The following PAK5 variants were observed in gnomAD, a reference collection of about 807,000 sequenced individuals.
PAK5 encodes p21 (RAC1) activated kinase 5, also known as serine/threonine-protein kinase PAK 5.
Under a neutral mutation model 65.9 loss-of-function variants are expected in PAK5, and 16 were observed. The observed-to-expected ratio is 0.24, with a 90% CI of 0.16 to 0.37. The LOEUF is 0.37. PAK5 is among the 10% of genes least tolerant of loss of function. The pLI is 1.00. For synonymous variants in PAK5, 371 were observed against 354.9 expected (o/e 1.05, Z -0.51); for missense variants, 785 against 903.9 (o/e 0.87, Z 1.69).
chr20:9,696,276 T>C (rs566275782), intron 2 of PAK5, among the ~76,000 whole-genome samples: 1 of 152,216 alleles, frequency 6.6e-6, no homozygotes, highest in African/African-American at 2.4e-5. Flanking sequence ...TAGGTATCAC[T>C]GGGGATTGGG....
chr20:9,559,254 G>C (rs560377971), intron 6 of PAK5, among the ~76,000 whole-genome samples: 1 of 152,232 alleles, frequency 6.6e-6, no homozygotes, highest in African/African-American at 2.4e-5. Context: ...AGAGGAGACT[G>C]TCAGGAGAGA....
At chr20:9,732,660 C>T (rs929119097) in intron 1 of PAK5, among the ~76,000 whole-genome samples, 6 of 151,004 alleles carry the variant, frequency 4.0e-5, no homozygotes, top group African/African-American at 1.5e-4. Context: ...CCCTTTCCTA[C>T]ACAACTGTCT....
intron 3 of PAK5, among the ~76,000 whole-genome samples, chr20:9,617,521 G>T (rs1167672894): frequency 6.7e-6 from 1 of 149,536 alleles, no homozygotes; most frequent in African/African-American, 2.5e-5. Flanking sequence ...TACTCAATTT[G>T]CAGGGATGAG....
rs530128387 is a variant in PAK5 at position 9,595,417 on chromosome 20, T to C, written c.205-14487A>G. Among the ~76,000 whole-genome samples, 7 of 152,276 alleles carry C rather than the reference T, an allele frequency of 4.6e-5. No individual in the cohort carries two copies. The East Asian group carries it at 7.7e-4, about 17-fold the overall frequency. On this transcript the variant is annotated intron_variant, in intron 3 of 9. Coordinates refer to ENST00000353224, the MANE Select transcript of PAK5 (RefSeq NM_177990.4). ...ATAATCCCATTGATTCCCTCAATGA[T>C]ACTAACAGAACAGCACAAACCCTTG...
intron 1 of PAK5, among the ~76,000 whole-genome samples, chr20:9,735,968 C>A (rs892719219): frequency 2.1e-4 from 31 of 147,054 alleles, no homozygotes; most frequent in African/African-American, 7.1e-4. Flanking sequence ...ATGGCATGAT[C>A]TTGGCTCACC....
At chr20:9,631,972 C>A (rs2046927851) in intron 3 of PAK5, among the ~76,000 whole-genome samples, 1 of 152,118 alleles carries the variant, frequency 6.6e-6, no homozygotes, top group Admixed American at 6.5e-5. Flanking sequence ...ACTAAAGCAG[C>A]CTCTAGCTGC....
chr20:9,820,874 A>G (rs775507539), intron 1 of PAK5, among the ~76,000 whole-genome samples: 15 of 152,192 alleles, frequency 9.9e-5, no homozygotes, highest in Non-Finnish European at 1.3e-4. Context: ...AGGTTCAACA[A>G]TTAGAGTAAC....
At chr20:9,820,345 A>G (rs1386788403) in intron 1 of PAK5, among the ~76,000 whole-genome samples, 2 of 152,172 alleles carry the variant, frequency 1.3e-5, no homozygotes, top group Non-Finnish European at 2.9e-5. Flanking sequence ...GGCCTCTCCT[A>G]TTTCATTTTA....
intron 2 of PAK5, among the ~76,000 whole-genome samples, chr20:9,682,683 G>A (rs967575209): frequency 6.6e-6 from 1 of 152,160 alleles, no homozygotes; most frequent in Non-Finnish European, 1.5e-5. Context: ...CACAATCTGT[G>A]CCACTTTATG....
intron 2 of PAK5, among the ~76,000 whole-genome samples, chr20:9,667,287 T>C (rs2047433410): frequency 6.6e-6 from 1 of 151,892 alleles, no homozygotes; most frequent in African/African-American, 2.4e-5. Context: ...CAAAAAAAAA[T>C]TGTAGAGTAT....
intron 6 of PAK5, among the ~76,000 whole-genome samples, chr20:9,558,043 T>TATTTATTC (rs55861453): frequency 0.036 from 5,015 of 138,662 alleles, 95 homozygotes; most frequent in African/African-American, 0.045. Flanking sequence ...TTTATTTATT[T>TATTTATTC]ATTCATTCAT....
intron 1 of PAK5, among the ~76,000 whole-genome samples, chr20:9,733,444 T>C (rs2048355711): frequency 6.6e-6 from 1 of 151,736 alleles, no homozygotes; most frequent in South Asian, 2.1e-4. Context: ...CTCTCTCTCT[T>C]TTTCTCTCTT....
intron 1 of PAK5, among the ~76,000 whole-genome samples, chr20:9,792,584 A>G (rs1197503397): frequency 1.3e-5 from 2 of 152,184 alleles, no homozygotes; most frequent in African/African-American, 4.8e-5. Context: ...ACACATCTAC[A>G]ATTTAATTTT....
Position 9,537,739 on chromosome 20 carries a change from A to T in PAK5, c.*1723T>A. On this transcript the variant is annotated 3_prime_UTR_variant, in exon 10 of 10. Transcript: ENST00000353224. Reference sequence around the variant, plus strand: ...ATTGTTTTTATTCTCACATATTTATATTAATGCTTTAATATTTTACATAAA... The same window carrying T: ...ATTGTTTTTATTCTCACATATTTATTTTAATGCTTTAATATTTTACATAAA... 1 of 221,874 alleles carries T rather than the reference A, an allele frequency of 4.5e-6. No homozygotes were observed. The allele number at this position is 221,874 out of a possible 1,614,324, so 13.7% of individuals were successfully genotyped here. A position where few individuals can be genotyped will look rare whatever the true frequency, so the allele number is the denominator to read the frequency against.
chr20:9,550,730 T>TGG (rs1292590329), intron 7 of PAK5, among the ~76,000 whole-genome samples: 2 of 61,542 alleles, frequency 3.2e-5, no homozygotes, highest in African/African-American at 1.5e-4. Flanking sequence ...ACCATAATTG[T>TGG]GGTGTGTGTG....
intron 1 of PAK5, among the ~76,000 whole-genome samples, chr20:9,797,389 C>T (rs60296173): frequency 0.011 from 1,648 of 151,028 alleles, 51 homozygotes; most frequent in East Asian, 0.081. Flanking sequence ...AGCAAACTAT[C>T]GCAAGGACAA....
At position 9,618,915 on chromosome 20, in the gene PAK5, G is replaced by GTTTTTTTTTTTTTTTTTTTTTTT. The variant is rs150725498; in HGVS notation, c.204+25187_204+25209dup. ...AGATTCTTTTCTCTCTCTTTCTTTC[G>GTTTTTTTTTTTTTTTTTTTTTTT]TTTTTTTTTTTTTTTTTTTTTTTTT... On this transcript the variant is annotated intron_variant, in intron 3 of 9. Coordinates refer to ENST00000353224, the MANE Select transcript of PAK5 (RefSeq NM_177990.4). 2.1e-4 allele frequency among the ~76,000 whole-genome samples: 4 copies of GTTTTTTTTTTTTTTTTTTTTTTT among 18,838 alleles called. 2 individuals carry two copies. The highest frequency in any genetic ancestry group is 3.6e-4 in the Non-Finnish European group (4 of 11,140). 12.4% of individuals were successfully genotyped at this position (18,838 alleles called of 152,430 possible).
At chr20:9,811,137 C>A (rs962378276) in intron 1 of PAK5, among the ~76,000 whole-genome samples, 7 of 152,116 alleles carry the variant, frequency 4.6e-5, no homozygotes, top group Admixed American at 2.0e-4. Context: ...TTAATTTGAG[C>A]AAAATGAGCT....
intron 7 of PAK5, among the ~76,000 whole-genome samples, chr20:9,550,731 G>GGTGTGGGTGTGT (rs1555894638): frequency 6.7e-6 from 1 of 148,460 alleles, no homozygotes; most frequent in Non-Finnish European, 1.5e-5. Context: ...CCATAATTGT[G>GGTGTGGGTGTGT]GTGTGTGTGT....
Sources: allele counts gnomAD v4.1 joint callset (sites outside exome capture counted in the v4.1 genomes callset), GRCh38; gene constraint gnomAD v4.1.1; transcripts MANE v1.5; gene names NCBI Gene and HGNC (gene_info 2026-07-23, HGNC 2026-07-21).